FLT1: variants seen among roughly 807,000 people sequenced by gnomAD.
FLT1 encodes the protein vascular endothelial growth factor receptor 1.
A neutral mutation model predicts 156.3 loss-of-function variants in FLT1; 49 were observed. The observed-to-expected ratio is 0.31, with a 90% CI of 0.25 to 0.40. FLT1 has a LOEUF of 0.40. Among genes scored for constraint, FLT1 ranks in the 10% least tolerant of loss-of-function variants. The pLI is 1.00. For synonymous variants in FLT1, 594 were observed against 583.8 expected (o/e 1.02, Z -0.25); for missense variants, 1,322 against 1,637.2 (o/e 0.81, Z 3.32).
intron 3 of FLT1, among the ~76,000 whole-genome samples, chr13:28,455,240 T>A (rs887539828): frequency 2.1e-4 from 31 of 149,600 alleles, no homozygotes; most frequent in African/African-American, 7.7e-4. Context: ...ACTACCTAAC[T>A]TCAAGACTTA....
intron 14 of FLT1, among the ~76,000 whole-genome samples, chr13:28,381,034 T>C (rs994974791): frequency 6.6e-6 from 1 of 152,188 alleles, no homozygotes; most frequent in African/African-American, 2.4e-5. Context: ...CTGGACTCTT[T>C]TTTTGCATGT....
In FLT1 at chr13:28,334,536, C is replaced by T. The variant is rs150265744; in HGVS notation, c.2489-407G>A. Among the ~76,000 whole-genome samples the T allele has an allele frequency of 1.5e-3, 231 of 152,282 alleles. 1 individual carries two copies. Among genetic ancestry groups the T allele is most frequent in the African/African-American group, 5.3e-3 (219 of 41,564 alleles). The stretch of plus-strand genomic sequence containing the variant: ...CCATTTACAGTCATTTTTCTCTCAT[C>T]TGTTTTCAGCAAAAAGGGAGAAATA... On this transcript the variant is annotated intron_variant, in intron 17 of 29. Transcript: ENST00000282397.
chr13:28,347,702 A>G (rs553272148), intron 15 of FLT1, among the ~76,000 whole-genome samples: 9 of 152,282 alleles, frequency 5.9e-5, no homozygotes, highest in Non-Finnish European at 1.0e-4. Context: ...CAAGCTGGAA[A>G]CCTGAGATAA....
intron 13 of FLT1, chr13:28,389,528 G>A (rs755207196): frequency 1.4e-6 from 2 of 1,426,316 alleles, no homozygotes; most frequent in Non-Finnish European, 1.8e-6. Flanking sequence ...GCCCCCCGGA[G>A]CAGCCCCCTC....
chr13:28,343,761 G>C (rs941209147), intron 16 of FLT1, among the ~76,000 whole-genome samples: 4 of 151,106 alleles, frequency 2.6e-5, no homozygotes, highest in African/African-American at 4.9e-5. Flanking sequence ...TCCTGCCTCA[G>C]CCTCCCGAGT....
intron 3 of FLT1, among the ~76,000 whole-genome samples, chr13:28,464,830 C>T (rs558949975): frequency 6.6e-5 from 10 of 152,208 alleles, no homozygotes; most frequent in African/African-American, 2.4e-4. Context: ...TAGCTGAACA[C>T]TATTTATTAG....
intron 29 of FLT1, among the ~76,000 whole-genome samples, chr13:28,304,732 T>G (rs74043710): frequency 0.01 from 1,542 of 152,286 alleles, 20 homozygotes; most frequent in African/African-American, 0.027. Context: ...ACTGGTCTAC[T>G]TTCTGTCTCT....
chr13:28,368,540 TATGATGATGATG>T lies in FLT1; in HGVS notation c.2117-10867_2117-10856del, dbSNP rs138306957. ...ATAATAGTTTTCAATAAATGGTAGCTATGATGATGATGATGATGATGATGATAATGATGATAG... is the reference window on the plus strand; with the variant it reads ...ATAATAGTTTTCAATAAATGGTAGCTATGATGATGATGATAATGATGATAG... On this transcript the variant is annotated intron_variant, in intron 14 of 29. Coordinates refer to ENST00000282397, the MANE Select transcript of FLT1 (RefSeq NM_002019.4). The T allele has an allele frequency of 7.8e-5, 120 of 1,535,866 alleles. No individual in the cohort carries two copies. In the East Asian group the frequency reaches 2.3e-3, roughly 29 times the overall value.
At chr13:28,481,715 G>A (rs2137656271) in intron 1 of FLT1, among the ~76,000 whole-genome samples, 1 of 152,344 alleles carries the variant, frequency 6.6e-6, no homozygotes, top group Admixed American at 6.5e-5. Context: ...TCATTTAGAA[G>A]TAGAATAGGT....
intron 13 of FLT1, chr13:28,386,517 G>A (rs771900651): frequency 2.1e-5 from 22 of 1,050,306 alleles, no homozygotes; most frequent in Non-Finnish European, 2.4e-5. Flanking sequence ...CTTCAAACTA[G>A]TGTAGAATGA....
chr13:28,391,942 T>TG (rs1462673007), intron 12 of FLT1, among the ~76,000 whole-genome samples: 1 of 152,198 alleles, frequency 6.6e-6, no homozygotes, highest in Non-Finnish European at 1.5e-5. Flanking sequence ...GCAAAGAATT[T>TG]GGGCCAACAT....
chr13:28,494,905 G>GC lies in FLT1; in HGVS notation c.-63dup, dbSNP rs1881681169. ...GCTCCCCGCGGCCAACGACCCGGCC[G>GC]CCAGAGTCCGTCCTCTCGTTCGCCG... On this transcript the variant is annotated 5_prime_UTR_variant, in exon 1 of 30. Transcript: ENST00000282397. The GC allele has an allele frequency of 1.5e-6, 2 of 1,362,600 alleles. No individual in the cohort carries two copies. Among genetic ancestry groups the GC allele is most frequent in the South Asian group, 2.6e-5 (2 of 76,682 alleles). 84.4% of individuals were successfully genotyped at this position (1,362,600 alleles called of 1,614,324 possible). A position where few individuals can be genotyped will look rare whatever the true frequency, so the allele number is the denominator to read the frequency against.
At chr13:28,433,686 C>T (rs2137551453) in intron 6 of FLT1, 133 bp downstream of exon 6, 1 of 853,126 alleles carries the variant, frequency 1.2e-6, no homozygotes, top group Non-Finnish European at 2.0e-6. Context: ...CAAACCAAAC[C>T]CAAAGCTTCT....
intron 1 of FLT1, among the ~76,000 whole-genome samples, chr13:28,491,927 G>A (rs1297053991): frequency 6.6e-6 from 1 of 152,190 alleles, no homozygotes; most frequent in African/African-American, 2.4e-5. Flanking sequence ...TTTTAAAAAT[G>A]TAACAAAGTG....
chr13:28,456,735 G>T (rs1157350351), intron 3 of FLT1, among the ~76,000 whole-genome samples: 5 of 151,900 alleles, frequency 3.3e-5, no homozygotes, highest in Admixed American at 6.6e-5. Flanking sequence ...GGCAGAGGTT[G>T]CAGTGAGCTG....
intron 10 of FLT1, among the ~76,000 whole-genome samples, chr13:28,407,025 G>A (rs778467003): frequency 2.0e-5 from 3 of 152,028 alleles, no homozygotes; most frequent in Non-Finnish European, 4.4e-5. Flanking sequence ...GCCCTGTAAC[G>A]TCCTCCTGCA....
In FLT1 at chr13:28,457,162, GA is replaced by G. The variant is rs543418653; in HGVS notation, c.388+9740del. Among the ~76,000 whole-genome samples, 850 of 145,050 alleles carry G rather than the reference GA, an allele frequency of 5.9e-3. 4 individuals carry two copies. Among genetic ancestry groups the G allele is most frequent in the Admixed American group, 0.018 (269 of 14,634 alleles). ...TGCTGTGAGCCTGAAACTGCTCTAG[GA>G]AAAAAAAAAATCATACACACACACA... On this transcript the variant is annotated intron_variant, in intron 3 of 29. Transcript: ENST00000282397.
chr13:28,463,085 G>A (rs1345459436), intron 3 of FLT1, among the ~76,000 whole-genome samples: 1 of 152,134 alleles, frequency 6.6e-6, no homozygotes, highest in African/African-American at 2.4e-5. Context: ...TCAAGTAAAT[G>A]AAACCATTTG....
intron 10 of FLT1, among the ~76,000 whole-genome samples, chr13:28,412,730 C>CTTTTTTT (rs752528822): frequency 8.8e-5 from 7 of 79,536 alleles, no homozygotes; most frequent in East Asian, 3.3e-4. Flanking sequence ...CCCTCACGTT[C>CTTTTTTT]TTTTTTTTTT....
Sources: gnomAD v4.1 joint callset for allele counts (sites outside exome capture counted in the v4.1 genomes callset) on GRCh38, gnomAD v4.1.1 for gene constraint, MANE v1.5 for transcripts, NCBI Gene and HGNC (gene_info 2026-07-23, HGNC 2026-07-21) for gene names.